The following FAM43A variants were observed in gnomAD, a reference collection of about 807,000 sequenced individuals.
The protein encoded by FAM43A is family with sequence similarity 43 member A.
In FAM43A, 11 loss-of-function variants were observed where a neutral mutation model predicts 15.7. The ratio of observed to expected loss-of-function variants is 0.70; its 90% CI spans 0.44 to 1.16. The LOEUF is 1.16. FAM43A is among the 50% of genes most tolerant of loss of function. FAM43A has a pLI of 0.00. For synonymous variants in FAM43A, 319 were observed against 291.7 expected (o/e 1.09, Z -0.96); for missense variants, 573 against 620.0 (o/e 0.92, Z 0.80).
rs781247140 is a variant in FAM43A at position 194,687,041 on chromosome 3, T to C, written c.215T>C (p.Val72Ala). Residue 72 changes from valine to alanine, a missense_variant, in exon 1 of 1, where the codon GTG becomes GCG. Physicochemically the swap from Val to Ala is moderately conservative, Grantham distance 64. Coordinates refer to ENST00000329759, the MANE Select transcript of FAM43A (RefSeq NM_153690.5). ...HITSEDPTYT[V>A]LYLGNATTIQ... Reference sequence around the variant, plus strand: ...ACTAGCGAGGACCCAACTTACACCGTGCTCTACCTGGGCAATGCCACCACC... The same window carrying C: ...ACTAGCGAGGACCCAACTTACACCGCGCTCTACCTGGGCAATGCCACCACC... 6.2e-7 allele frequency: 1 copy of C among 1,612,966 alleles called. No individual in the cohort carries two copies. Among genetic ancestry groups the C allele is most frequent in the Admixed American group, 1.7e-5 (1 of 60,014 alleles).
chr3:194,687,091 A>C lies in FAM43A; in HGVS notation c.265A>C (p.Thr89Pro). 1 of 1,613,678 alleles carries C rather than the reference A, an allele frequency of 6.2e-7. No individual in the cohort carries two copies. The highest frequency in any genetic ancestry group is 8.5e-7 in the Non-Finnish European group (1 of 1,179,920). ...CATCCAGGCGCGCGGCGACGGCTGC[A>C]CCGACCTTGCTGTGGGCAAGATCTG... ...TTIQARGDGC[T>P]DLAVGKIWSK... The change falls in exon 1 of 1, where the codon ACC becomes CCC. Residue 89 changes from threonine (T) to proline (P), a missense_variant. By Grantham distance (38) the Thr-to-Pro change is conservative. Transcript: ENST00000329759.
Position 194,688,359 on chromosome 3 carries a change from G to C in FAM43A, c.*261G>C, listed in dbSNP as rs1719477873. On this transcript the variant is annotated 3_prime_UTR_variant, in exon 1 of 1. Coordinates refer to ENST00000329759, the MANE Select transcript of FAM43A (RefSeq NM_153690.5). The stretch of plus-strand genomic sequence containing the variant: ...AAAACCCCGCCAGGAGGGAGAGAGA[G>C]GCACCCCTCTGGGATGCGGGTGAGG... The C allele has an allele frequency of 5.2e-6, 2 of 383,994 alleles. No homozygotes were observed. Among genetic ancestry groups the C allele is most frequent in the African/African-American group, 2.1e-5 (1 of 47,752 alleles). 23.8% of individuals were successfully genotyped at this position (383,994 alleles called of 1,614,324 possible). A position where few individuals can be genotyped will look rare whatever the true frequency, so the allele number is the denominator to read the frequency against.
chr3:194,686,578 C>CACCA lies in FAM43A; in HGVS notation c.-245_-242dup. On this transcript the variant is annotated 5_prime_UTR_variant, in exon 1 of 1. Transcript: ENST00000329759. ...TCTGTGTGCGCGCGTGTCTCCCCCG[C>CACCA]ACCAACCTTTTTTGCACACTCGAAG... 2.8e-6 allele frequency: 1 copy of CACCA among 358,530 alleles called. No homozygotes were observed. The highest frequency in any genetic ancestry group is 4.9e-6 in the Non-Finnish European group (1 of 203,452). The allele number at this position is 358,530 out of a possible 1,614,324, so 22.2% of individuals were successfully genotyped here. A position where few individuals can be genotyped will look rare whatever the true frequency, so the allele number is the denominator to read the frequency against.
Position 194,688,329 on chromosome 3 carries a change from AG to A in FAM43A, c.*235del. 2.3e-6 allele frequency: 1 copy of A among 443,080 alleles called. No individual in the cohort carries two copies. Among genetic ancestry groups the A allele is most frequent in the Non-Finnish European group, 3.9e-6 (1 of 257,644 alleles). 27.4% of individuals were successfully genotyped at this position (443,080 alleles called of 1,614,324 possible). A position where few individuals can be genotyped will look rare whatever the true frequency, so the allele number is the denominator to read the frequency against. Reference sequence around the variant, plus strand: ...GCGTGGGGATGCGGGGAGATTTGAGAGGGGAAAACCCCGCCAGGAGGGAGAG... The same window carrying A: ...GCGTGGGGATGCGGGGAGATTTGAGAGGGAAAACCCCGCCAGGAGGGAGAG... On this transcript the variant is annotated 3_prime_UTR_variant, in exon 1 of 1. Coordinates refer to ENST00000329759, the MANE Select transcript of FAM43A (RefSeq NM_153690.5).
Position 194,687,831 on chromosome 3 carries a change from G to A in FAM43A, c.1005G>A (p.Gly335=). Residue 335 remains glycine (G), a synonymous_variant, in exon 1 of 1, where the codon GGG becomes GGA. Transcript: ENST00000329759. The part of the protein sequence containing the change: ...LGGGGGSLGP[G]AGPPPLLLGS... ...GCGGCGGGGGCTCCCTGGGCCCGGGGGCCGGGCCGCCGCCTCTGCTGCTGG... is the reference window on the plus strand; with the variant it reads ...GCGGCGGGGGCTCCCTGGGCCCGGGAGCCGGGCCGCCGCCTCTGCTGCTGG... 3.5e-6 allele frequency: 5 copies of A among 1,447,654 alleles called. No individual in the cohort carries two copies. Among genetic ancestry groups the A allele is most frequent in the Non-Finnish European group, 4.6e-6 (5 of 1,098,200 alleles). The allele number at this position is 1,447,654 out of a possible 1,614,324, so 89.7% of individuals were successfully genotyped here. A position where few individuals can be genotyped will look rare whatever the true frequency, so the allele number is the denominator to read the frequency against.
chr3:194,687,885 G>A lies in FAM43A; in HGVS notation c.1059G>A (p.Leu353=). The change falls in exon 1 of 1, where the codon CTG becomes CTA. Residue 353 remains leucine (L), a synonymous_variant. Transcript: ENST00000329759. ...GCGCCTCCGACATGAAGGCTGAGCT[G>A]TCGCAACTTATTAGCGACCTGGGCG... ...LGSASDMKAE[L]SQLISDLGEL... is the part of the protein sequence containing the mutation. 2 of 1,469,610 alleles carry A rather than the reference G, an allele frequency of 1.4e-6. No homozygotes were observed. Among genetic ancestry groups the A allele is most frequent in the Non-Finnish European group, 1.8e-6 (2 of 1,110,598 alleles). The allele number at this position is 1,469,610 out of a possible 1,614,324, so 91.0% of individuals were successfully genotyped here.
At position 194,687,827 on chromosome 3, in the gene FAM43A, C is replaced by A; in HGVS notation, c.1001C>A (p.Pro334Gln). The change falls in exon 1 of 1, where the codon CCG becomes CAG. Residue 334 changes from proline (P) to glutamine (Q), a missense_variant. By Grantham distance (76) the Pro-to-Gln change is moderately conservative. Coordinates refer to ENST00000329759, the MANE Select transcript of FAM43A (RefSeq NM_153690.5). Reference sequence around the variant, plus strand: ...GGAGGCGGCGGGGGCTCCCTGGGCCCGGGGGCCGGGCCGCCGCCTCTGCTG... The same window carrying A: ...GGAGGCGGCGGGGGCTCCCTGGGCCAGGGGGCCGGGCCGCCGCCTCTGCTG... ...ALGGGGGSLGPGAGPPPLLLG... is the reference protein window; with the variant it reads ...ALGGGGGSLGQGAGPPPLLLG... 1 of 1,445,488 alleles carries A rather than the reference C, an allele frequency of 6.9e-7. No homozygotes were observed. The highest frequency in any genetic ancestry group is 9.1e-7 in the Non-Finnish European group (1 of 1,097,090). The allele number at this position is 1,445,488 out of a possible 1,614,324, so 89.5% of individuals were successfully genotyped here.
rs1719470850 is a variant in FAM43A at position 194,688,096 on chromosome 3, T to C, written c.1270T>C (p.Ter424ArgextTer107). The change falls in exon 1 of 1, where the codon TGA becomes CGA. Residue 424 changes from the stop codon to arginine (R), a stop_lost. Coordinates refer to ENST00000329759, the MANE Select transcript of FAM43A (RefSeq NM_153690.5). ...CAGTGCAGACGAGCCCCACTCGGGC[T>C]GAGCTCCTCCGCGCGTCGCCGGCGC... is the stretch of plus-strand genomic sequence containing the variant. ...GASADEPHSG[*>R] 3 of 1,344,114 alleles carry C rather than the reference T, an allele frequency of 2.2e-6. No individual in the cohort carries two copies. The highest frequency in any genetic ancestry group is 3.3e-5 in the Admixed American group (1 of 30,494). The allele number at this position is 1,344,114 out of a possible 1,614,324, so 83.3% of individuals were successfully genotyped here. A position where few individuals can be genotyped will look rare whatever the true frequency, so the allele number is the denominator to read the frequency against.
Position 194,687,907 on chromosome 3 carries a change from G to A in FAM43A, c.1081G>A (p.Gly361Ser). 6.8e-7 allele frequency: 1 copy of A among 1,464,708 alleles called. No homozygotes were observed. Among genetic ancestry groups the A allele is most frequent in the Non-Finnish European group, 9.0e-7 (1 of 1,108,350 alleles). 90.7% of individuals were successfully genotyped at this position (1,464,708 alleles called of 1,614,324 possible). Residue 361 changes from glycine to serine, a missense_variant, in exon 1 of 1, where the codon GGC (glycine) becomes AGC (serine). Gly to Ser is a moderately conservative substitution (Grantham distance 56, BLOSUM62 0). Transcript: ENST00000329759. ...AELSQLISDL[G>S]ELSFGNDVRT... is the part of the protein sequence containing the mutation. Reference sequence around the variant, plus strand: ...GCTGTCGCAACTTATTAGCGACCTGGGCGAGCTCAGCTTCGGCAACGACGT... The same window carrying A: ...GCTGTCGCAACTTATTAGCGACCTGAGCGAGCTCAGCTTCGGCAACGACGT...
Position 194,687,114 on chromosome 3 carries a change from C to A in FAM43A, c.288C>A (p.Ile96=). The A allele has an allele frequency of 1.2e-6, 2 of 1,613,578 alleles. No homozygotes were observed. Among genetic ancestry groups the A allele is most frequent in the Non-Finnish European group, 1.7e-6 (2 of 1,179,932 alleles). ...GCACCGACCTTGCTGTGGGCAAGAT[C>A]TGGAGCAAGAGCGAGGCGGGCCGTC... ...DGCTDLAVGK[I]WSKSEAGRQG... The change falls in exon 1 of 1, where the codon ATC becomes ATA. Residue 96 remains isoleucine, a synonymous_variant. Coordinates refer to ENST00000329759, the MANE Select transcript of FAM43A (RefSeq NM_153690.5).
chr3:194,688,225 C>A lies in FAM43A; in HGVS notation c.*127C>A. Reference sequence around the variant, plus strand: ...TTGGGGCCCAGACCTACACTTGGAGCCCAGGTCCAGCGTTCCCCCGACCGC... The same window carrying A: ...TTGGGGCCCAGACCTACACTTGGAGACCAGGTCCAGCGTTCCCCCGACCGC... On this transcript the variant is annotated 3_prime_UTR_variant, in exon 1 of 1. Coordinates refer to ENST00000329759, the MANE Select transcript of FAM43A (RefSeq NM_153690.5). The A allele has an allele frequency of 9.1e-7, 1 of 1,098,854 alleles. No homozygotes were observed. The highest frequency in any genetic ancestry group is 1.2e-6 in the Non-Finnish European group (1 of 852,922). The allele number at this position is 1,098,854 out of a possible 1,614,324, so 68.1% of individuals were successfully genotyped here.
At position 194,686,660 on chromosome 3, in the gene FAM43A, C is replaced by T; in HGVS notation, c.-167C>T. 1 of 550,918 alleles carries T rather than the reference C, an allele frequency of 1.8e-6. No individual in the cohort carries two copies. The highest frequency in any genetic ancestry group is 2.8e-6 in the Non-Finnish European group (1 of 362,918). The allele number at this position is 550,918 out of a possible 1,614,324, so 34.1% of individuals were successfully genotyped here. A position where few individuals can be genotyped will look rare whatever the true frequency, so the allele number is the denominator to read the frequency against. ...GCACCTCCTGCGGGGTTCCTAAGCA[C>T]TCTCTCTGCTCCCCTCCCCCCAACT... is the stretch of plus-strand genomic sequence containing the variant. On this transcript the variant is annotated 5_prime_UTR_variant, in exon 1 of 1. Coordinates refer to ENST00000329759, the MANE Select transcript of FAM43A (RefSeq NM_153690.5).
rs756995433 is a variant in FAM43A, at chr3:194,686,944, C to A, written c.118C>A (p.Arg40=). ...CTACTCGGCGCTCAGCTCGCTGGCGCGGGCGTGCCCCGAAGGCGCGCTTAG... is the reference window on the plus strand; with the variant it reads ...CTACTCGGCGCTCAGCTCGCTGGCGAGGGCGTGCCCCGAAGGCGCGCTTAG... ...LHYSALSSLA[R]ACPEGALSRV... Residue 40 remains arginine (R), a synonymous_variant, in exon 1 of 1, where the codon CGG becomes AGG. Coordinates refer to ENST00000329759, the MANE Select transcript of FAM43A (RefSeq NM_153690.5). 3 of 1,610,142 alleles carry A rather than the reference C, an allele frequency of 1.9e-6. No individual in the cohort carries two copies. In the South Asian group the frequency reaches 3.3e-5, roughly 18 times the overall value.
Position 194,685,963 on chromosome 3 carries a change from G to T in FAM43A, c.-864G>T, listed in dbSNP as rs1007148003. ...GCAAAGGCGGGCAGCAGACCGTGGA[G>T]AGCCCGGGAGCGGAGCTGGACACCG... On this transcript the variant is annotated 5_prime_UTR_variant, in exon 1 of 1. Transcript: ENST00000329759. Among the ~76,000 whole-genome samples the T allele has an allele frequency of 6.6e-6, 1 of 152,218 alleles. No individual in the cohort carries two copies. The highest frequency in any genetic ancestry group is 1.5e-5 in the Non-Finnish European group (1 of 68,038).
At position 194,687,042 on chromosome 3, in the gene FAM43A, G is replaced by GCT; in HGVS notation, c.219_220dup (p.Tyr74SerfsTer37). On this transcript the variant is annotated frameshift_variant, in exon 1 of 1. Coordinates refer to ENST00000329759, the MANE Select transcript of FAM43A (RefSeq NM_153690.5). LOFTEE classifies it high-confidence loss of function. The stretch of plus-strand genomic sequence containing the variant: ...CTAGCGAGGACCCAACTTACACCGT[G>GCT]CTCTACCTGGGCAATGCCACCACCA... 1 of 1,613,048 alleles carries GCT rather than the reference G, an allele frequency of 6.2e-7. No homozygotes were observed. The highest frequency in any genetic ancestry group is 8.5e-7 in the Non-Finnish European group (1 of 1,179,384).
Position 194,688,241 on chromosome 3 carries a change from C to G in FAM43A, c.*143C>G. On this transcript the variant is annotated 3_prime_UTR_variant, in exon 1 of 1. Coordinates refer to ENST00000329759, the MANE Select transcript of FAM43A (RefSeq NM_153690.5). ...CACTTGGAGCCCAGGTCCAGCGTTCCCCCGACCGCTTTCCCCTACCTCCCG... is the reference window on the plus strand; with the variant it reads ...CACTTGGAGCCCAGGTCCAGCGTTCGCCCGACCGCTTTCCCCTACCTCCCG... 2.0e-6 allele frequency: 2 copies of G among 1,006,576 alleles called. No homozygotes were observed. The highest frequency in any genetic ancestry group is 2.6e-6 in the Non-Finnish European group (2 of 769,154). The allele number at this position is 1,006,576 out of a possible 1,614,324, so 62.4% of individuals were successfully genotyped here.
Position 194,686,683 on chromosome 3 carries a change from A to G in FAM43A, c.-144A>G, listed in dbSNP as rs1577267361. On this transcript the variant is annotated 5_prime_UTR_variant, in exon 1 of 1. Transcript: ENST00000329759. ...CACTCTCTCTGCTCCCCTCCCCCCA[A>G]CTCCCTACCACAGGGCCGCTCCCAG... 1.3e-6 allele frequency: 1 copy of G among 761,926 alleles called. No individual in the cohort carries two copies. The highest frequency in any genetic ancestry group is 1.8e-6 in the Non-Finnish European group (1 of 551,794). The allele number at this position is 761,926 out of a possible 1,614,324, so 47.2% of individuals were successfully genotyped here. A position where few individuals can be genotyped will look rare whatever the true frequency, so the allele number is the denominator to read the frequency against.
chr3:194,687,809 G>A lies in FAM43A; in HGVS notation c.983G>A (p.Gly328Asp), dbSNP rs200918957. ...GGCCGTGGGGAGGCGCTAGGAGGCG[G>A]CGGGGGCTCCCTGGGCCCGGGGGCC... is the stretch of plus-strand genomic sequence containing the variant. ...ENGRGEALGG[G>D]GGSLGPGAGP... The change falls in exon 1 of 1, where the codon GGC becomes GAC. Residue 328 changes from glycine (G) to aspartate (D), a missense_variant. Gly to Asp is a moderately conservative substitution (Grantham distance 94). Transcript: ENST00000329759. 9.5e-3 allele frequency: 13,843 copies of A among 1,453,382 alleles called. 99 individuals carry two copies. The highest frequency in any genetic ancestry group is 0.011 in the Non-Finnish European group (12,000 of 1,099,840). The allele number at this position is 1,453,382 out of a possible 1,614,324, so 90.0% of individuals were successfully genotyped here.
rs1343044937 is a variant in FAM43A, at chr3:194,687,964, C to T, written c.1138C>T (p.Arg380Cys). 7 of 1,433,142 alleles carry T rather than the reference C, an allele frequency of 4.9e-6. No homozygotes were observed. The highest frequency in any genetic ancestry group is 1.5e-5 in the African/African-American group (1 of 67,074). 88.8% of individuals were successfully genotyped at this position (1,433,142 alleles called of 1,614,324 possible). A position where few individuals can be genotyped will look rare whatever the true frequency, so the allele number is the denominator to read the frequency against. Reference protein sequence around the residue: ...RTLQADLRVTRLLSGDSTGSE... With the variant: ...RTLQADLRVTCLLSGDSTGSE... The stretch of plus-strand genomic sequence containing the variant: ...CCTGCAGGCCGACTTGCGGGTGACG[C>T]GCCTGCTGTCAGGCGACAGCACGGG... The change falls in exon 1 of 1, where the codon CGC becomes TGC. Residue 380 changes from arginine to cysteine, a missense_variant. Arg to Cys is a radical substitution (Grantham distance 180). Transcript: ENST00000329759.
Sources: gnomAD v4.1 joint callset for allele counts (sites outside exome capture counted in the v4.1 genomes callset) on GRCh38, gnomAD v4.1.1 for gene constraint, MANE v1.5 for transcripts, NCBI Gene and HGNC (gene_info 2026-07-23, HGNC 2026-07-21) for gene names.